The following LRRIQ4 variants were observed in gnomAD, a reference collection of about 807,000 sequenced individuals.
The protein encoded by LRRIQ4 is leucine-rich repeat and IQ domain-containing protein 4.
In LRRIQ4, 21 loss-of-function variants were observed where a neutral mutation model predicts 40.1. The observed-to-expected ratio is 0.52, with a 90% CI of 0.37 to 0.75. LRRIQ4 has a LOEUF of 0.75. Ranked by LOEUF, LRRIQ4 falls within the 30% of genes least tolerant of loss-of-function variation. The probability of loss-of-function intolerance (pLI) is 0.00; values close to 1 mark genes in which losing one functional copy is unlikely to be tolerated. For synonymous variants in LRRIQ4, 277 were observed against 277.1 expected, an observed-to-expected ratio of 1.00 and a Z score of 0.00; for missense variants, 655 against 660.0, an observed-to-expected ratio of 0.99 and a Z score of 0.08.
chr3:169,829,980 C>A (rs1439507565), intron 3 of LRRIQ4, among the ~76,000 whole-genome samples: 2 of 152,162 alleles, frequency 1.3e-5, no homozygotes, highest in African/African-American at 4.8e-5. Context: ...ACCTGTCATG[C>A]CACAATCTTA....
intron 4 of LRRIQ4, 49 bp from the exon 5 acceptor site, chr3:169,832,938 A>C: frequency 6.6e-7 from 1 of 1,513,950 alleles, no homozygotes; most frequent in South Asian, 1.2e-5. Context: ...TGACAAGTTA[A>C]TATTGTTTCT....
In LRRIQ4 at chr3:169,822,494, A is replaced by G. The variant is rs1190980626; in HGVS notation, c.573A>G (p.Glu191=). 6 of 1,613,912 alleles carry G rather than the reference A, an allele frequency of 3.7e-6. No homozygotes were observed. Among genetic ancestry groups the G allele is most frequent in the Non-Finnish European group, 5.1e-6 (6 of 1,179,894 alleles). ...AGCTCTGTGTTCTCTACACCCTGGA[A>G]ATCATTGACCTGGACGAGAACAAAA... ...PQELCVLYTL[E]IIDLDENKIG... The change falls in exon 2 of 6, where the codon GAA becomes GAG. Residue 191 remains glutamate, a synonymous_variant. Coordinates refer to ENST00000340806, the MANE Select transcript of LRRIQ4 (RefSeq NM_001080460.3).
chr3:169,827,538 C>A (rs1301458659), intron 2 of LRRIQ4, among the ~76,000 whole-genome samples: 2 of 136,122 alleles, frequency 1.5e-5, no homozygotes, highest in East Asian at 4.5e-4. Context: ...ACCCGGGAAG[C>A]GGAGCTTGCA....
chr3:169,822,175 G>A lies in LRRIQ4; in HGVS notation c.254G>A (p.Ser85Asn), dbSNP rs1683039718. ...VLYLDKNNLRSLCPALGLLSS... is the reference protein window; with the variant it reads ...VLYLDKNNLRNLCPALGLLSS... ...TACCTGGATAAGAACAACCTGAGGA[G>A]CCTGTGCCCGGCGCTGGGGCTGCTG... Residue 85 changes from serine (S) to asparagine (N), a missense_variant, in exon 2 of 6, where the codon AGC becomes AAC. Coordinates refer to ENST00000340806, the MANE Select transcript of LRRIQ4 (RefSeq NM_001080460.3). The A allele has an allele frequency of 1.9e-6, 3 of 1,609,178 alleles. No individual in the cohort carries two copies. Among genetic ancestry groups the A allele is most frequent in the Non-Finnish European group, 2.5e-6 (3 of 1,178,710 alleles).
intron 4 of LRRIQ4, among the ~76,000 whole-genome samples, chr3:169,831,984 T>TAA (rs71634445): frequency 4.2e-5 from 6 of 142,284 alleles, no homozygotes; most frequent in African/African-American, 1.3e-4. Context: ...TTAAAAAATT[T>TAA]AAAAAAAAAA....
intron 1 of LRRIQ4, among the ~76,000 whole-genome samples, chr3:169,814,227 G>A (rs190864625): frequency 6.6e-6 from 1 of 152,230 alleles, no homozygotes; most frequent in Admixed American, 6.5e-5. Context: ...GAAAGGGAAT[G>A]GAGTGGAAAG....
intron 1 of LRRIQ4, 66 bp from the exon 2 acceptor site, chr3:169,821,825 C>T: frequency 1.3e-6 from 1 of 794,218 alleles, no homozygotes. Context: ...TTTTATTTTT[C>T]TTAAGGATAG....
intron 1 of LRRIQ4, among the ~76,000 whole-genome samples, chr3:169,815,339 T>C (rs1779742509): frequency 6.6e-6 from 1 of 152,200 alleles, no homozygotes; most frequent in Non-Finnish European, 1.5e-5. Context: ...ATAGTTTTCA[T>C]TGTAGAGATC....
chr3:169,837,400 A>G lies in LRRIQ4; in HGVS notation c.1531-79A>G, dbSNP rs1780330994. 3 of 1,434,812 alleles carry G rather than the reference A, an allele frequency of 2.1e-6. No homozygotes were observed. The Admixed American group carries it at 8.2e-5, about 39-fold the overall frequency. 88.9% of individuals were successfully genotyped at this position (1,434,812 alleles called of 1,614,324 possible). A position where few individuals can be genotyped will look rare whatever the true frequency, so the allele number is the denominator to read the frequency against. On this transcript the variant is annotated intron_variant, in intron 5 of 5. Transcript: ENST00000340806. Reference sequence around the variant, plus strand: ...TCTCTCCACGTCTTCAAGACCATGTATCAGAATAAAGAGATTTAACAATTT... The same window carrying G: ...TCTCTCCACGTCTTCAAGACCATGTGTCAGAATAAAGAGATTTAACAATTT...
At chr3:169,820,511 A>C (rs1186412680) in intron 1 of LRRIQ4, among the ~76,000 whole-genome samples, 1 of 150,512 alleles carries the variant, frequency 6.6e-6, no homozygotes, top group Admixed American at 6.6e-5. Context: ...AAAACTATAG[A>C]TCCAATTAGG....
chr3:169,837,493 G>A lies in LRRIQ4; in HGVS notation c.1545G>A (p.Trp515Ter). The A allele has an allele frequency of 6.2e-7, 1 of 1,607,274 alleles. No individual in the cohort carries two copies. Among genetic ancestry groups the A allele is most frequent in the Non-Finnish European group, 8.5e-7 (1 of 1,178,242 alleles). ...NIMATKIQAW[W>*]RGTMVQRGFG... is the part of the protein sequence containing the mutation. ...CTTGTTTTCAGATTCAGGCATGGTG[G>A]CGTGGAACAATGGTACAGAGAGGAT... is the stretch of plus-strand genomic sequence containing the variant. The change falls in exon 6 of 6, where the codon TGG (tryptophan) becomes TGA (stop). Residue 515 changes from tryptophan to a stop codon, truncating the protein, a stop_gained. Transcript: ENST00000340806. LOFTEE classifies it high-confidence loss of function.
intron 4 of LRRIQ4, among the ~76,000 whole-genome samples, chr3:169,831,472 T>G (rs1780175016): frequency 1.0e-5 from 1 of 96,032 alleles, no homozygotes; most frequent in African/African-American, 3.8e-5. Context: ...TTTTTTTTTT[T>G]TTTTTTTTTT....
chr3:169,830,471 G>A (rs753254368), intron 3 of LRRIQ4, 21 bp from the exon 4 acceptor site: 4 of 1,442,710 alleles, frequency 2.8e-6, no homozygotes, highest in Middle Eastern at 1.8e-4. Context: ...ATATTATTAT[G>A]GTACACTCAT....
chr3:169,818,524 A>T (rs1350155994), intron 1 of LRRIQ4, among the ~76,000 whole-genome samples: 1 of 151,858 alleles, frequency 6.6e-6, no homozygotes, highest in Non-Finnish European at 1.5e-5. Context: ...CTGTTGAAGA[A>T]TTTTCTTTCT....
chr3:169,832,467 C>CAAA (rs766710567), intron 4 of LRRIQ4, among the ~76,000 whole-genome samples: 2 of 104,276 alleles, frequency 1.9e-5, no homozygotes, highest in African/African-American at 3.4e-5. Context: ...GACTCTGTCT[C>CAAA]AAAAAAAAAA....
At chr3:169,816,293 T>C (rs9882673) in intron 1 of LRRIQ4, among the ~76,000 whole-genome samples, 2,384 of 152,256 alleles carry the variant, frequency 0.016, 66 homozygotes, top group African/African-American at 0.055. Flanking sequence ...GGGTCCCAGG[T>C]TTTTCTTTGC....
chr3:169,822,101 T>C lies in LRRIQ4; in HGVS notation c.180T>C (p.Ile60=). The change falls in exon 2 of 6, where the codon ATT becomes ATC. Residue 60 remains isoleucine (I), a synonymous_variant. Transcript: ENST00000340806. The stretch of plus-strand genomic sequence containing the variant: ...AAGTGCATTTGGAGAATAACCAGAT[T>C]GAAGAAATTCCCCAGGAGATTCAGC... ...LEEVHLENNQ[I]EEIPQEIQRL... 1 of 1,610,704 alleles carries C rather than the reference T, an allele frequency of 6.2e-7. No individual in the cohort carries two copies. Among genetic ancestry groups the C allele is most frequent in the East Asian group, 2.2e-5 (1 of 44,876 alleles).
In LRRIQ4 at chr3:169,828,898, T is replaced by A. The variant is rs762298288; in HGVS notation, c.1160T>A (p.Leu387His). 7 of 1,613,404 alleles carry A rather than the reference T, an allele frequency of 4.3e-6. No individual in the cohort carries two copies. Among genetic ancestry groups the A allele is most frequent in the Middle Eastern group, 1.6e-4 (1 of 6,084 alleles). The part of the protein sequence containing the change: ...LYIGQDQGFK[L>H]TYVPEHIRKL... Reference sequence around the variant, plus strand: ...ATTGGGCAAGACCAGGGATTCAAACTTACCTATGTGCCAGAACACATTAGG... The same window carrying A: ...ATTGGGCAAGACCAGGGATTCAAACATACCTATGTGCCAGAACACATTAGG... The change falls in exon 3 of 6, where the codon CTT becomes CAT. Residue 387 changes from leucine (L) to histidine (H), a missense_variant. Coordinates refer to ENST00000340806, the MANE Select transcript of LRRIQ4 (RefSeq NM_001080460.3).
intron 5 of LRRIQ4, among the ~76,000 whole-genome samples, chr3:169,834,040 A>T (rs1780248900): frequency 6.6e-6 from 1 of 152,236 alleles, no homozygotes; most frequent in Non-Finnish European, 1.5e-5. Context: ...TACAATTTAA[A>T]GGAGAAAGAA....
Sources: gnomAD v4.1 joint callset for allele counts (sites outside exome capture counted in the v4.1 genomes callset) on GRCh38, gnomAD v4.1.1 for gene constraint, MANE v1.5 for transcripts, NCBI Gene and HGNC (gene_info 2026-07-23, HGNC 2026-07-21) for gene names.